BORA: variants seen among roughly 807,000 people sequenced by gnomAD.
BORA encodes the protein BORA aurora kinase A activator, also known as protein aurora borealis.
A neutral mutation model predicts 55.8 loss-of-function variants in BORA; 26 were observed. The observed-to-expected ratio is 0.47, with a 90% CI of 0.34 to 0.65. The LOEUF is 0.65. Among genes scored for constraint, BORA ranks in the 30% least tolerant of loss-of-function variants. BORA has a pLI of 0.01. For missense variants in BORA, 568 were observed against 671.5 expected, an observed-to-expected ratio of 0.85 and a Z score of 1.70; for synonymous variants, 201 against 216.9, an observed-to-expected ratio of 0.93 and a Z score of 0.64.
At chr13:72,728,215 T>A (rs1435206465) in intron 1 of BORA, 1 of 741,240 alleles carries the variant, frequency 1.3e-6, no homozygotes. Context: ...GCCGGCTGCA[T>A]CTCAACCTTC....
intron 5 of BORA, among the ~76,000 whole-genome samples, chr13:72,742,459 T>A (rs1037164644): frequency 3.3e-5 from 5 of 151,956 alleles, no homozygotes; most frequent in Non-Finnish European, 7.4e-5. Context: ...AAATTTCAGG[T>A]TTTGTCAAAA....
At chr13:72,752,478 G>A (rs1444202865) in intron 10 of BORA, 1 of 152,160 alleles carries the variant, frequency 6.6e-6, no homozygotes, top group Non-Finnish European at 1.5e-5. Flanking sequence ...ACTTCCTGCT[G>A]TACTAATGAG....
At position 72,731,397 on chromosome 13, in the gene BORA, C is replaced by G. The variant is rs770582358; in HGVS notation, c.260+10C>G. On this transcript the variant is annotated intron_variant, in intron 3 of 11. Transcript: ENST00000390667. ...ACTTAAGTCATTCTCGGTAAGTTTT[C>G]CTTTCTTGCACCTAAGTCTAATAAC... 26 of 1,557,454 alleles carry G rather than the reference C, an allele frequency of 1.7e-5. No individual in the cohort carries two copies. The highest frequency in any genetic ancestry group is 3.5e-6 in the Non-Finnish European group (4 of 1,131,336).
At chr13:72,743,673 G>A in intron 6 of BORA, 71 bp downstream of exon 6, 1 of 1,160,630 alleles carries the variant, frequency 8.6e-7, no homozygotes, top group Non-Finnish European at 1.2e-6. Flanking sequence ...ACCCAGTTCA[G>A]GTAGTAACAC....
intron 10 of BORA, chr13:72,752,746 C>T (rs2033311176): frequency 6.7e-6 from 1 of 149,146 alleles, no homozygotes; most frequent in African/African-American, 2.5e-5. Flanking sequence ...GCCTTGAAAT[C>T]TGGGAACATT....
intron 5 of BORA, among the ~76,000 whole-genome samples, chr13:72,741,982 T>C (rs1175142506): frequency 6.6e-6 from 1 of 152,154 alleles, no homozygotes; most frequent in Non-Finnish European, 1.5e-5. Flanking sequence ...TTGTAAGCCA[T>C]TGAGGTGTTT....
In BORA at chr13:72,727,950, G is replaced by T; in HGVS notation, c.-73G>T. On this transcript the variant is annotated 5_prime_UTR_variant, in exon 1 of 12. Coordinates refer to ENST00000390667, the MANE Select transcript of BORA (RefSeq NM_024808.5). The stretch of plus-strand genomic sequence containing the variant: ...AGAGTCTATGCCTGTCGTGGAAGCT[G>T]GCCTGGCCCCCGGAGCTCCCTGGAG... 6.4e-7 allele frequency: 1 copy of T among 1,550,618 alleles called. No homozygotes were observed. Among genetic ancestry groups the T allele is most frequent in the Non-Finnish European group, 8.7e-7 (1 of 1,146,994 alleles).
At chr13:72,754,540 G>A (rs2033391589) in intron 11 of BORA, 1 of 152,034 alleles carries the variant, frequency 6.6e-6, no homozygotes. Context: ...GTTTAATAGG[G>A]AGGCCACCTT....
intron 10 of BORA, 33 bp from the exon 11 acceptor site, chr13:72,753,657 C>A: frequency 6.3e-7 from 1 of 1,593,576 alleles, no homozygotes; most frequent in South Asian, 1.2e-5. Flanking sequence ...TTAAGTTCCT[C>A]ACAATATATT....
chr13:72,747,218 G>A (rs1439489882), intron 10 of BORA, 107 bp downstream of exon 10: 26 of 1,171,624 alleles, frequency 2.2e-5, no homozygotes, highest in Admixed American at 4.9e-5. Context: ...GAGGACTACA[G>A]TATTATATAA....
chr13:72,747,319 C>T (rs1004704415), intron 10 of BORA, among the ~76,000 whole-genome samples: 5 of 151,830 alleles, frequency 3.3e-5, no homozygotes, highest in Middle Eastern at 3.2e-3. Flanking sequence ...TTCACATTAA[C>T]TGATATTTGT....
At chr13:72,754,007 ATAC>A (rs2033360124) in intron 11 of BORA, 186 bp downstream of exon 11, 1 of 579,388 alleles carries the variant, frequency 1.7e-6, no homozygotes, top group South Asian at 2.5e-5. Flanking sequence ...AGTATCTTAC[ATAC>A]TACAAAGTGT....
intron 3 of BORA, among the ~76,000 whole-genome samples, chr13:72,731,929 C>G (rs1169944284): frequency 6.6e-6 from 1 of 152,188 alleles, no homozygotes; most frequent in East Asian, 1.9e-4. Flanking sequence ...TTCTACATAT[C>G]ACCCAGTGCA....
chr13:72,751,175 A>G (rs2033265508), intron 10 of BORA, among the ~76,000 whole-genome samples: 2 of 152,310 alleles, frequency 1.3e-5, no homozygotes, highest in South Asian at 4.1e-4. Context: ...AATATGAATT[A>G]GTACAGCTAT....
intron 11 of BORA, 158 bp downstream of exon 11, chr13:72,753,979 G>A (rs1222728328): frequency 2.9e-5 from 22 of 766,338 alleles, no homozygotes; most frequent in Non-Finnish European, 4.2e-5. Context: ...TAAATATTTT[G>A]GTTACTCTGA....
intron 3 of BORA, 140 bp from the exon 4 acceptor site, chr13:72,734,820 C>A: frequency 1.7e-6 from 1 of 579,752 alleles, no homozygotes; most frequent in Non-Finnish European, 3.0e-6. Context: ...TACAAGATAC[C>A]ACTAGTATTA....
intron 7 of BORA, 54 bp downstream of exon 7, chr13:72,744,615 G>T: frequency 1.4e-6 from 2 of 1,398,018 alleles, no homozygotes; most frequent in Admixed American, 3.8e-5. Flanking sequence ...GGTTTTGTTT[G>T]GCTGGCTTTT....
At chr13:72,743,487 G>C (rs769909666) in intron 5 of BORA, 50 bp from the exon 6 acceptor site, 1 of 1,324,496 alleles carries the variant, frequency 7.6e-7, no homozygotes, top group South Asian at 1.5e-5. Flanking sequence ...TAATGCTAAA[G>C]CAAATGAAGA....
In BORA at chr13:72,746,618, G is replaced by T. The variant is rs2033151703; in HGVS notation, c.989G>T (p.Trp330Leu). 1 of 1,614,060 alleles carries T rather than the reference G, an allele frequency of 6.2e-7. No individual in the cohort carries two copies. Among genetic ancestry groups the T allele is most frequent in the South Asian group, 1.1e-5 (1 of 91,080 alleles). Residue 330 changes from tryptophan to leucine, a missense_variant, in exon 10 of 12, where the codon TGG becomes TTG. Physicochemically the swap from Trp to Leu is moderately conservative, Grantham distance 61. Transcript: ENST00000390667. Reference sequence around the variant, plus strand: ...GATGGCTGCTCGCCAATTAAAAATTGGTCTCCTATGAGACTTCAGATGTAT... The same window carrying T: ...GATGGCTGCTCGCCAATTAAAAATTTGTCTCCTATGAGACTTCAGATGTAT... ...YIDGCSPIKN[W>L]SPMRLQMYSG... is the part of the protein sequence containing the mutation.
Sources: allele counts gnomAD v4.1 joint callset (sites outside exome capture counted in the v4.1 genomes callset), GRCh38; gene constraint gnomAD v4.1.1; transcripts MANE v1.5; gene names NCBI Gene and HGNC (gene_info 2026-07-23, HGNC 2026-07-21).